Variants in FAM20C observed in about 807,000 individuals in gnomAD.
The protein encoded by FAM20C is FAM20C golgi associated secretory pathway kinase.
Under a neutral mutation model 51.5 loss-of-function variants are expected in FAM20C, and 40 were observed. The ratio of observed to expected loss-of-function variants is 0.78; its 90% CI spans 0.60 to 1.01. The LOEUF is 1.01. Ranked by LOEUF, FAM20C falls within the 50% of genes least tolerant of loss-of-function variation. The probability of loss-of-function intolerance (pLI) is 0.00; values close to 1 mark genes in which losing one functional copy is unlikely to be tolerated. For missense variants in FAM20C, 861 were observed against 844.7 expected (o/e 1.02, Z -0.24); for synonymous variants, 406 against 380.6 (o/e 1.07, Z -0.78).
rs181913050 is a variant in FAM20C, at chr7:230,466, G to A, written c.864-15949G>A. ...CCTCGTGGCTGGACCTCTGTGTCCC[G>A]GCGTTCGGAACACCAGGAGCCCTTC... On this transcript the variant is annotated intron_variant, in intron 3 of 9. Coordinates refer to ENST00000313766, the MANE Select transcript of FAM20C (RefSeq NM_020223.4). Among the ~76,000 whole-genome samples, 110 of 151,560 alleles carry A rather than the reference G, an allele frequency of 7.3e-4. 1 individual carries two copies. The East Asian group carries it at 0.02, about 28-fold the overall frequency.
intron 2 of FAM20C, among the ~76,000 whole-genome samples, chr7:206,747 AC>A (rs1786421263): frequency 6.0e-5 from 4 of 66,708 alleles, no homozygotes; most frequent in African/African-American, 1.8e-4. Flanking sequence ...ACACGTGCTC[AC>A]TGTCCACTGT....
chr7:252,935 C>T (rs1347779813), intron 5 of FAM20C, among the ~76,000 whole-genome samples: 1 of 152,270 alleles, frequency 6.6e-6, no homozygotes, highest in African/African-American at 2.4e-5. Flanking sequence ...CATCCGTGCA[C>T]AGCTTTGCAT....
intron 2 of FAM20C, among the ~76,000 whole-genome samples, chr7:203,011 G>A (rs926277983): frequency 6.6e-6 from 1 of 152,232 alleles, no homozygotes; most frequent in Non-Finnish European, 1.5e-5. Context: ...GATTTCAGGG[G>A]AGGGGCAGGT....
chr7:246,250 C>T (rs796691361), intron 3 of FAM20C, 165 bp from the exon 4 acceptor site: 15 of 631,290 alleles, frequency 2.4e-5, no homozygotes, highest in Middle Eastern at 4.1e-4. Context: ...TCTGAGGGCC[C>T]GTCGGCAGCT....
intron 3 of FAM20C, among the ~76,000 whole-genome samples, chr7:220,962 C>T (rs1431564897): frequency 6.7e-6 from 1 of 148,886 alleles, no homozygotes; most frequent in African/African-American, 2.5e-5. Context: ...TTCTTAGCAT[C>T]TGGGCACAGG....
At chr7:254,542 C>A (rs138322496) in intron 5 of FAM20C, among the ~76,000 whole-genome samples, 1 of 152,194 alleles carries the variant, frequency 6.6e-6, no homozygotes, top group Non-Finnish European at 1.5e-5. Context: ...GCAGTGAACC[C>A]GCACTGCTAG....
At chr7:253,135 G>GT (rs1238991350) in intron 5 of FAM20C, among the ~76,000 whole-genome samples, 1 of 152,236 alleles carries the variant, frequency 6.6e-6, no homozygotes, top group Non-Finnish European at 1.5e-5. Context: ...TTAAATGCAG[G>GT]TTGCAGGAGA....
At chr7:202,876 C>T (rs1033109843) in intron 2 of FAM20C, among the ~76,000 whole-genome samples, 11 of 152,222 alleles carry the variant, frequency 7.2e-5, no homozygotes, top group South Asian at 6.2e-4. Flanking sequence ...GCAGTGCAGA[C>T]GGGACCTGTT....
At position 228,930 on chromosome 7, in the gene FAM20C, C is replaced by A. The variant is rs146298076; in HGVS notation, c.864-17485C>A. 4.2e-3 allele frequency: 1,711 copies of A among 405,032 alleles called. 6 individuals carry two copies. The highest frequency in any genetic ancestry group is 6.2e-3 in the Non-Finnish European group (1,233 of 198,900). 25.1% of individuals were successfully genotyped at this position (405,032 alleles called of 1,614,324 possible). On this transcript the variant is annotated intron_variant, in intron 3 of 9. Coordinates refer to ENST00000313766, the MANE Select transcript of FAM20C (RefSeq NM_020223.4). ...CAGCACTGGGAGCCCCTTCCAAGAC[C>A]GCCCACCAGGCATCTTGTTCATGGA...
At chr7:233,359 C>G (rs1787756531) in intron 3 of FAM20C, among the ~76,000 whole-genome samples, 1 of 152,228 alleles carries the variant, frequency 6.6e-6, no homozygotes, top group Non-Finnish European at 1.5e-5. Flanking sequence ...CACAGCCTTT[C>G]CAGCTGGGAC....
intron 3 of FAM20C, among the ~76,000 whole-genome samples, chr7:234,940 C>T (rs1227599886): frequency 1.3e-5 from 2 of 152,146 alleles, no homozygotes; most frequent in Non-Finnish European, 2.9e-5. Context: ...CTCTCAGCTG[C>T]GTTGCAACCC....
intron 8 of FAM20C, among the ~76,000 whole-genome samples, chr7:257,834 G>GTGGGGTGGACC (rs1788658400): frequency 8.3e-6 from 1 of 119,934 alleles, no homozygotes; most frequent in African/African-American, 3.5e-5. Flanking sequence ...CTGGAGATGG[G>GTGGGGTGGACC]CAGGGTGGAC....
intron 3 of FAM20C, among the ~76,000 whole-genome samples, chr7:222,943 CAT>C (rs540094703): frequency 1.1e-3 from 165 of 151,822 alleles, no homozygotes; most frequent in African/African-American, 3.8e-3. Context: ...CACACGTGTG[CAT>C]GTGTGTGTGA....
chr7:255,654 G>C (rs769086765), intron 5 of FAM20C, among the ~76,000 whole-genome samples, 195 bp from the exon 6 acceptor site: 1 of 152,114 alleles, frequency 6.6e-6, no homozygotes, highest in Admixed American at 6.5e-5. Context: ...GTGTGGCCTC[G>C]GGACGTCAGC....
intron 3 of FAM20C, among the ~76,000 whole-genome samples, chr7:217,771 G>A (rs926863051): frequency 4.6e-5 from 7 of 152,122 alleles, no homozygotes; most frequent in Admixed American, 1.3e-4. Context: ...GGGCCCGCGC[G>A]TCACTGCAAA....
chr7:195,567 G>T lies in FAM20C; in HGVS notation c.619G>T (p.Ala207Ser). Residue 207 changes from alanine to serine, a missense_variant, in exon 2 of 10, where the codon GCT (alanine) becomes TCT (serine). Physicochemically the swap from Ala to Ser is moderately conservative, Grantham distance 99. Transcript: ENST00000313766. ...TGCTCCCTGCAGGCCGCATGCGGGT[G>T]CTGAAGGTGCAGAATTCCTCTCCCC... ...AENPDWPHAG[A>S]EGAEFLSPGE... 2 of 1,587,388 alleles carry T rather than the reference G, an allele frequency of 1.3e-6. No homozygotes were observed. Among genetic ancestry groups the T allele is most frequent in the Non-Finnish European group, 1.7e-6 (2 of 1,165,226 alleles).
At chr7:227,010 G>T (rs563338007) in intron 3 of FAM20C, among the ~76,000 whole-genome samples, 1 of 152,100 alleles carries the variant, frequency 6.6e-6, no homozygotes. Context: ...CGGCTGTTCC[G>T]ATTAGGCCTT....
chr7:234,419 G>A (rs1289921122), intron 3 of FAM20C, among the ~76,000 whole-genome samples: 6 of 152,206 alleles, frequency 3.9e-5, no homozygotes, highest in Admixed American at 6.5e-5. Flanking sequence ...GTGGTGGGGG[G>A]TCCCAGGCCC....
intron 2 of FAM20C, among the ~76,000 whole-genome samples, chr7:208,365 G>A (rs1786538040): frequency 2.8e-5 from 4 of 145,128 alleles, no homozygotes; most frequent in Admixed American, 2.7e-4. Context: ...AGGGTGTGGT[G>A]TGTGTAGGTG....
Sources: allele counts gnomAD v4.1 joint callset (sites outside exome capture counted in the v4.1 genomes callset), GRCh38; gene constraint gnomAD v4.1.1; transcripts MANE v1.5; gene names NCBI Gene and HGNC (gene_info 2026-07-23, HGNC 2026-07-21).